The following SMC6 variants were observed in gnomAD, a reference collection of about 807,000 sequenced individuals.
SMC6 encodes structural maintenance of chromosomes protein 6.
SMC6 carries 79 observed loss-of-function variants against 142.2 expected under a neutral mutation model. That is an observed-to-expected ratio of 0.56 (90% CI 0.46 to 0.67). The LOEUF (loss-of-function observed/expected upper bound fraction) is 0.67, where lower values mean the gene tolerates loss of function less well. Among genes scored for constraint, SMC6 ranks in the 30% least tolerant of loss-of-function variants. The pLI, the probability that SMC6 is intolerant of heterozygous loss-of-function variation, is 0.00. For synonymous variants in SMC6, 411 were observed against 412.4 expected (o/e 1.00, Z 0.04); for missense variants, 1,072 against 1,284.0 (o/e 0.83, Z 2.52).
intron 20 of SMC6, among the ~76,000 whole-genome samples, chr2:17,700,662 C>A (rs1404093183): frequency 1.3e-5 from 2 of 152,084 alleles, no homozygotes; most frequent in African/African-American, 4.8e-5. Context: ...CCAAACTATA[C>A]AATATATATC....
chr2:17,699,941 T>A (rs1252818301), intron 21 of SMC6, among the ~76,000 whole-genome samples: 2 of 151,616 alleles, frequency 1.3e-5, no homozygotes, highest in Non-Finnish European at 2.9e-5. Flanking sequence ...TTCTGATTTT[T>A]AAAAATCATA....
intron 16 of SMC6, among the ~76,000 whole-genome samples, chr2:17,708,982 T>C (rs190394509): frequency 4.4e-4 from 67 of 152,208 alleles, no homozygotes; most frequent in Middle Eastern, 3.4e-3. Flanking sequence ...GGCACTGTTA[T>C]AAGCATGTTA....
At chr2:17,693,946 G>A (rs191889528) in intron 23 of SMC6, among the ~76,000 whole-genome samples, 1 of 142,744 alleles carries the variant, frequency 7.0e-6, no homozygotes, top group Non-Finnish European at 1.5e-5. Flanking sequence ...GCTGCAGTGA[G>A]CCGAGATCAC....
At chr2:17,678,752 G>A in intron 25 of SMC6, 107 bp downstream of exon 25, 1 of 755,674 alleles carries the variant, frequency 1.3e-6, no homozygotes, top group Non-Finnish European at 2.1e-6. Flanking sequence ...CTCCAGCCTG[G>A]GCAACAGAGT....
intron 23 of SMC6, among the ~76,000 whole-genome samples, chr2:17,688,160 C>A (rs1002650535): frequency 6.6e-6 from 1 of 152,108 alleles, no homozygotes; most frequent in Admixed American, 6.5e-5. Context: ...ACCCCAGCAA[C>A]AATTAGCATC....
At position 17,664,862 on chromosome 2, in the gene SMC6, G is replaced by C. The variant is rs192205733; in HGVS notation, c.*637C>G. The C allele has an allele frequency of 1.3e-5, 2 of 152,408 alleles. No individual in the cohort carries two copies. Among genetic ancestry groups the C allele is most frequent in the East Asian group, 3.9e-4 (2 of 5,186 alleles). 9.4% of individuals were successfully genotyped at this position (152,408 alleles called of 1,614,324 possible). On this transcript the variant is annotated 3_prime_UTR_variant, in exon 28 of 28. Coordinates refer to ENST00000448223, the MANE Select transcript of SMC6 (RefSeq NM_001142286.2). Reference sequence around the variant, plus strand: ...GAACAGTCCCTGGACTGCAAACTGAGGGCTTTTAAATCAGGCAAGCATGAT... The same window carrying C: ...GAACAGTCCCTGGACTGCAAACTGACGGCTTTTAAATCAGGCAAGCATGAT...
intron 16 of SMC6, chr2:17,713,555 A>G: frequency 2.1e-6 from 1 of 470,976 alleles, no homozygotes; most frequent in Non-Finnish European, 4.4e-6. Flanking sequence ...GCCCCACCAG[A>G]ATGGCCAGGA....
At chr2:17,692,408 T>C (rs1181835539) in intron 23 of SMC6, among the ~76,000 whole-genome samples, 6 of 152,160 alleles carry the variant, frequency 3.9e-5, no homozygotes, top group Non-Finnish European at 5.9e-5. Context: ...GCCGCATATC[T>C]ACAACTATCT....
intron 19 of SMC6, among the ~76,000 whole-genome samples, chr2:17,702,721 T>A (rs1412423097): frequency 2.0e-5 from 3 of 152,048 alleles, no homozygotes; most frequent in Admixed American, 6.6e-5. Flanking sequence ...TGGTAGTGAG[T>A]AAGTCTCATG....
chr2:17,693,342 A>G (rs1435096033), intron 23 of SMC6, among the ~76,000 whole-genome samples: 1 of 152,228 alleles, frequency 6.6e-6, no homozygotes, highest in African/African-American at 2.4e-5. Context: ...TGGCACACAT[A>G]CACCATGGAA....
At chr2:17,724,980 C>T (rs1669543598) in intron 9 of SMC6, among the ~76,000 whole-genome samples, 1 of 152,164 alleles carries the variant, frequency 6.6e-6, no homozygotes, top group South Asian at 2.1e-4. Context: ...ATTAGTCATA[C>T]TATCAGAGGA....
chr2:17,711,279 G>A lies in SMC6; in HGVS notation c.1731-2526C>T, dbSNP rs150282828. On this transcript the variant is annotated intron_variant, in intron 16 of 27. Transcript: ENST00000448223. The stretch of plus-strand genomic sequence containing the variant: ...CTTATATTACAATTAATAGTATGTT[G>A]AGGGAGGATACAATATTAGTCTAGC... Among the ~76,000 whole-genome samples the A allele has an allele frequency of 3.2e-3, 483 of 152,238 alleles. 4 individuals are homozygous for A. Among genetic ancestry groups the A allele is most frequent in the African/African-American group, 0.011 (459 of 41,548 alleles).
At chr2:17,731,010 C>T in intron 7 of SMC6, 68 bp downstream of exon 7, 1 of 1,246,002 alleles carries the variant, frequency 8.0e-7, no homozygotes, top group East Asian at 2.3e-5. Context: ...TTTTTCTACA[C>T]AAGTGAAATC....
Position 17,669,661 on chromosome 2 carries a change from T to C in SMC6, c.3063+762A>G, listed in dbSNP as rs1293413479. 2.0e-5 allele frequency among the ~76,000 whole-genome samples: 3 copies of C among 152,146 alleles called. No homozygotes were observed. The East Asian group carries it at 5.8e-4, about 29-fold the overall frequency. ...AAATACTTCAAAAAATAAGGTAAGA[T>C]TAAAGCTCATTTATAACCTTTGCTA... On this transcript the variant is annotated intron_variant, in intron 26 of 27. Transcript: ENST00000448223.
Position 17,695,372 on chromosome 2 carries a change from C to T in SMC6, c.2533-75G>A. 2.3e-6 allele frequency: 3 copies of T among 1,314,650 alleles called. No homozygotes were observed. In the South Asian group the frequency reaches 4.2e-5, roughly 18 times the overall value. 81.4% of individuals were successfully genotyped at this position (1,314,650 alleles called of 1,614,324 possible). A position where few individuals can be genotyped will look rare whatever the true frequency, so the allele number is the denominator to read the frequency against. ...TTCATTATACTACTTGTGCCAAAATCTGCAAAGTAAAATTCTGAACTCATT... is the reference window on the plus strand; with the variant it reads ...TTCATTATACTACTTGTGCCAAAATTTGCAAAGTAAAATTCTGAACTCATT... On this transcript the variant is annotated intron_variant, in intron 22 of 27. Transcript: ENST00000448223.
chr2:17,728,991 C>T lies in SMC6; in HGVS notation c.543+2087G>A, dbSNP rs146550608. ...TCTTGAACTCCTGACCTCATGTGAT[C>T]CACCCGTCTCAGCCTCCCAAAGTGT... On this transcript the variant is annotated intron_variant, in intron 7 of 27. Transcript: ENST00000448223. Among the ~76,000 whole-genome samples the T allele has an allele frequency of 4.8e-3, 725 of 152,240 alleles. 4 individuals are homozygous for T. Among genetic ancestry groups the T allele is most frequent in the African/African-American group, 0.016 (672 of 41,540 alleles).
intron 23 of SMC6, among the ~76,000 whole-genome samples, chr2:17,687,300 T>A (rs1216303684): frequency 6.6e-6 from 1 of 152,220 alleles, no homozygotes; most frequent in Non-Finnish European, 1.5e-5. Flanking sequence ...GATAATTCAC[T>A]GCAGCATTAT....
chr2:17,678,826 A>C, intron 25 of SMC6, 33 bp downstream of exon 25: 1 of 1,433,426 alleles, frequency 7.0e-7, no homozygotes, highest in Non-Finnish European at 9.6e-7. Context: ...TAGTTTTTCT[A>C]ATGATTAGGA....
At chr2:17,671,587 C>T (rs1191163210) in intron 25 of SMC6, among the ~76,000 whole-genome samples, 5 of 114,844 alleles carry the variant, frequency 4.4e-5, no homozygotes, top group African/African-American at 1.1e-4. Context: ...CCAGCCTGGT[C>T]GACAGAGCGA....
Sources: gnomAD v4.1 joint callset for allele counts (sites outside exome capture counted in the v4.1 genomes callset) on GRCh38, gnomAD v4.1.1 for gene constraint, MANE v1.5 for transcripts, NCBI Gene and HGNC (gene_info 2026-07-23, HGNC 2026-07-21) for gene names.